Variants in BCO2 observed in about 807,000 individuals in gnomAD.
BCO2 encodes the protein beta-carotene oxygenase 2.
Under a neutral mutation model 65.8 loss-of-function variants are expected in BCO2, and 56 were observed. The ratio of observed to expected loss-of-function variants is 0.85; its 90% CI spans 0.69 to 1.06. The LOEUF is 1.06. Ranked by LOEUF, BCO2 falls within the 50% of genes least tolerant of loss-of-function variation. The pLI is 0.00. For synonymous variants in BCO2, 233 were observed against 242.3 expected, an observed-to-expected ratio of 0.96 and a Z score of 0.36; for missense variants, 675 against 698.5, an observed-to-expected ratio of 0.97 and a Z score of 0.38.
intron 2 of BCO2, among the ~76,000 whole-genome samples, chr11:112,180,204 T>G (rs181073822): frequency 6.6e-4 from 101 of 152,338 alleles, no homozygotes; most frequent in Middle Eastern, 3.4e-3. Context: ...TTCCCATGGA[T>G]TTGTCTTAGT....
chr11:112,215,059 ATTTTC>A (rs1859625987), intron 10 of BCO2, 115 bp downstream of exon 10: 1 of 1,008,842 alleles, frequency 9.9e-7, no homozygotes, highest in Non-Finnish European at 1.5e-6. Flanking sequence ...CAGCTGAGCC[ATTTTC>A]TTTTATTTGA....
chr11:112,217,034 T>C (rs2135401168), intron 11 of BCO2, among the ~76,000 whole-genome samples: 1 of 152,364 alleles, frequency 6.6e-6, no homozygotes, highest in South Asian at 2.1e-4. Context: ...CAGATCTCAA[T>C]CTGCCTTGCA....
In BCO2 at chr11:112,216,706, C is replaced by A. The variant is rs7941336; in HGVS notation, c.1626+376C>A. On this transcript the variant is annotated intron_variant, in intron 11 of 11. Transcript: ENST00000357685. ...TATTTAAATCCAAGTCTTTTGACTTCCAGTCTAATGTTTATATCATCATGT... is the reference window on the plus strand; with the variant it reads ...TATTTAAATCCAAGTCTTTTGACTTACAGTCTAATGTTTATATCATCATGT... Among the ~76,000 whole-genome samples, 778 of 152,288 alleles carry A rather than the reference C, an allele frequency of 5.1e-3. 6 individuals carry two copies. Among genetic ancestry groups the A allele is most frequent in the African/African-American group, 0.018 (744 of 41,550 alleles).
intron 1 of BCO2, chr11:112,175,915 A>G: frequency 4.6e-6 from 2 of 435,590 alleles, no homozygotes; most frequent in Non-Finnish European, 8.3e-6. Context: ...TATTTTATGC[A>G]ATATTTAAGG....
At chr11:112,195,588 G>T in intron 5 of BCO2, among the ~76,000 whole-genome samples, 1 of 152,012 alleles carries the variant, frequency 6.6e-6, no homozygotes, top group East Asian at 1.9e-4. Context: ...GATTACAGGT[G>T]CTTGCCACCA....
intron 2 of BCO2, among the ~76,000 whole-genome samples, chr11:112,180,566 G>A (rs1867009096): frequency 1.3e-5 from 2 of 152,134 alleles, no homozygotes; most frequent in Non-Finnish European, 2.9e-5. Flanking sequence ...AGGCTGAGGA[G>A]CCTAGAAGCA....
chr11:112,186,300 C>T (rs1029723590), intron 2 of BCO2, among the ~76,000 whole-genome samples: 6 of 152,236 alleles, frequency 3.9e-5, no homozygotes, highest in African/African-American at 1.4e-4. Context: ...AGATAAGCAT[C>T]TTTGTGGGAG....
intron 2 of BCO2, among the ~76,000 whole-genome samples, chr11:112,191,545 C>T (rs1867391401): frequency 6.6e-6 from 1 of 152,150 alleles, no homozygotes; most frequent in Admixed American, 6.5e-5. Flanking sequence ...TCCCAGTTCT[C>T]CTGAATCAAT....
intron 2 of BCO2, chr11:112,182,863 T>C: frequency 9.8e-7 from 1 of 1,024,572 alleles, no homozygotes; most frequent in Non-Finnish European, 1.5e-6. Context: ...AAAAAGATGC[T>C]CTGTTCTAAT....
chr11:112,181,416 C>T (rs530081200), intron 2 of BCO2: 12 of 597,398 alleles, frequency 2.0e-5, no homozygotes, highest in African/African-American at 1.5e-4. Flanking sequence ...CTCCTGACCT[C>T]GTGATCCGCC....
chr11:112,182,650 A>G (rs1867085379), intron 2 of BCO2, among the ~76,000 whole-genome samples: 1 of 151,000 alleles, frequency 6.6e-6, no homozygotes, highest in Admixed American at 6.6e-5. Context: ...GAATTGAACA[A>G]TGAGAACACT....
At chr11:112,180,699 G>A (rs527665016) in intron 2 of BCO2, 5 of 778,908 alleles carry the variant, frequency 6.4e-6, no homozygotes, top group Admixed American at 1.7e-5. Context: ...GGGGAAGGGC[G>A]GGAGGAGAAA....
intron 2 of BCO2, chr11:112,181,417 G>A (rs1867045023): frequency 3.3e-6 from 2 of 599,452 alleles, no homozygotes; most frequent in African/African-American, 1.9e-5. Context: ...TCCTGACCTC[G>A]TGATCCGCCC....
chr11:112,214,995 T>G lies in BCO2; in HGVS notation c.1515+51T>G, dbSNP rs772608729. ...AACTTTTCAGAGACCTGTTCTTCCC[T>G]TTGAATTAGTTTGTTTTATTTAAAG... On this transcript the variant is annotated intron_variant, in intron 10 of 11. Coordinates refer to ENST00000357685, the MANE Select transcript of BCO2 (RefSeq NM_031938.7). 3 of 1,532,128 alleles carry G rather than the reference T, an allele frequency of 2.0e-6. No individual in the cohort carries two copies. In the South Asian group the frequency reaches 3.4e-5, roughly 17 times the overall value. 94.9% of individuals were successfully genotyped at this position (1,532,128 alleles called of 1,614,324 possible).
chr11:112,184,587 C>T (rs1435652995), intron 2 of BCO2, among the ~76,000 whole-genome samples: 3 of 152,028 alleles, frequency 2.0e-5, no homozygotes, highest in Middle Eastern at 3.2e-3. Context: ...CATTTGATTA[C>T]GGCCACCAAA....
At chr11:112,185,639 C>G (rs1592838873) in intron 2 of BCO2, among the ~76,000 whole-genome samples, 1 of 152,008 alleles carries the variant, frequency 6.6e-6, no homozygotes, top group African/African-American at 2.4e-5. Flanking sequence ...ATTTTTTGCT[C>G]CACTTTAATA....
intron 2 of BCO2, among the ~76,000 whole-genome samples, chr11:112,188,442 A>G (rs1279210445): frequency 4.7e-5 from 7 of 150,226 alleles, no homozygotes; most frequent in Non-Finnish European, 3.0e-5. Context: ...CCGGTCACAC[A>G]GTTTCACTCT....
chr11:112,193,164 G>A (rs1367604770), intron 2 of BCO2, among the ~76,000 whole-genome samples: 3 of 151,306 alleles, frequency 2.0e-5, no homozygotes, highest in African/African-American at 7.3e-5. Flanking sequence ...TTTTTTAGTA[G>A]AGATGGGATT....
At chr11:112,209,843 G>A (rs964528164) in intron 8 of BCO2, among the ~76,000 whole-genome samples, 5 of 152,044 alleles carry the variant, frequency 3.3e-5, no homozygotes, top group African/African-American at 1.2e-4. Flanking sequence ...TAAATATATT[G>A]CAGGATTTGC....
Sources: allele counts gnomAD v4.1 joint callset (sites outside exome capture counted in the v4.1 genomes callset), GRCh38; gene constraint gnomAD v4.1.1; transcripts MANE v1.5; gene names NCBI Gene and HGNC (gene_info 2026-07-23, HGNC 2026-07-21).